The following TJP1 variants were observed in gnomAD, a reference collection of about 807,000 sequenced individuals.
TJP1 encodes the protein tight junction protein 1.
A neutral mutation model predicts 194.2 loss-of-function variants in TJP1; 43 were observed. That is an observed-to-expected ratio of 0.22 (90% CI 0.17 to 0.29). TJP1 has a LOEUF of 0.29. TJP1 is among the 10% of genes least tolerant of loss of function. The pLI is 1.00. For missense variants in TJP1, 1,971 were observed against 2,185.7 expected (o/e 0.90, Z 1.96); for synonymous variants, 801 against 779.0 (o/e 1.03, Z -0.47).
intron 2 of TJP1, among the ~76,000 whole-genome samples, chr15:29,878,896 G>T (rs971612558): frequency 1.4e-4 from 22 of 151,922 alleles, no homozygotes; most frequent in African/African-American, 5.3e-4. Context: ...AGGCTGAGGC[G>T]GGTGGATCAC....
intron 2 of TJP1, among the ~76,000 whole-genome samples, chr15:29,908,455 T>C (rs541989353): frequency 6.6e-6 from 1 of 152,266 alleles, no homozygotes; most frequent in African/African-American, 2.4e-5. Context: ...AGTGGGCAGG[T>C]GATATAAAGA....
At chr15:29,946,352 G>C (rs1415826450) in intron 2 of TJP1, among the ~76,000 whole-genome samples, 1 of 152,370 alleles carries the variant, frequency 6.6e-6, no homozygotes, top group East Asian at 1.9e-4. Context: ...GTGGATGAAA[G>C]TCTGATGAGA....
chr15:29,727,561 A>C (rs2043317395), intron 16 of TJP1, among the ~76,000 whole-genome samples: 2 of 152,250 alleles, frequency 1.3e-5, no homozygotes, highest in Admixed American at 1.3e-4. Context: ...ACTTAGCCCT[A>C]ACACCGCAAT....
intron 2 of TJP1, among the ~76,000 whole-genome samples, chr15:29,891,451 T>C (rs1273365483): frequency 2.6e-5 from 4 of 152,262 alleles, no homozygotes; most frequent in Non-Finnish European, 5.9e-5. Flanking sequence ...TCCCATCTTG[T>C]AGAGTTCAGG....
At chr15:29,834,113 C>T (rs1166540520) in intron 2 of TJP1, among the ~76,000 whole-genome samples, 1 of 150,678 alleles carries the variant, frequency 6.6e-6, no homozygotes, top group African/African-American at 2.4e-5. Context: ...AATCTCCTGA[C>T]CTCGTGATCG....
At chr15:29,906,211 G>A (rs1172012157) in intron 2 of TJP1, among the ~76,000 whole-genome samples, 1 of 152,062 alleles carries the variant, frequency 6.6e-6, no homozygotes, top group Non-Finnish European at 1.5e-5. Flanking sequence ...GGTGGCTCAC[G>A]CCTATAATCC....
At chr15:29,770,725 A>G (rs2046614497) in intron 4 of TJP1, among the ~76,000 whole-genome samples, 1 of 151,972 alleles carries the variant, frequency 6.6e-6, no homozygotes, top group Non-Finnish European at 1.5e-5. Flanking sequence ...AAAATTTTAA[A>G]TATTTTTGTA....
chr15:29,921,724 T>A (rs2054365235), intron 2 of TJP1, among the ~76,000 whole-genome samples: 1 of 152,166 alleles, frequency 6.6e-6, no homozygotes, highest in African/African-American at 2.4e-5. Flanking sequence ...TATTATGAAG[T>A]ATTTTAAACA....
At chr15:29,716,325 T>A (rs2042559826) in intron 23 of TJP1, among the ~76,000 whole-genome samples, 1 of 152,202 alleles carries the variant, frequency 6.6e-6, no homozygotes. Context: ...TGTACAGAAG[T>A]GAAGACTGAT....
intron 1 of TJP1, among the ~76,000 whole-genome samples, chr15:29,808,611 G>C (rs1000308699): frequency 6.6e-6 from 1 of 152,086 alleles, no homozygotes; most frequent in East Asian, 1.9e-4. Context: ...AAAATGATAA[G>C]TGCTGGCAGA....
intron 2 of TJP1, among the ~76,000 whole-genome samples, chr15:29,920,163 C>T (rs1175974833): frequency 6.6e-6 from 1 of 152,166 alleles, no homozygotes; most frequent in African/African-American, 2.4e-5. Context: ...AGTTACAGTA[C>T]GAACTCTCAC....
chr15:29,702,410 G>A (rs2041606116), intron 27 of TJP1, among the ~76,000 whole-genome samples: 1 of 152,190 alleles, frequency 6.6e-6, no homozygotes, highest in Non-Finnish European at 1.5e-5. Flanking sequence ...TATTAGATGT[G>A]AAGGCAGGGA....
chr15:29,733,087 T>C lies in TJP1; in HGVS notation c.1736+7A>G. Reference sequence around the variant, plus strand: ...TCACTCTATGAGAAGTATCCAAGCATTCATACCTGTTCTTATTAGGGATGA... The same window carrying C: ...TCACTCTATGAGAAGTATCCAAGCACTCATACCTGTTCTTATTAGGGATGA... On this transcript the variant is annotated splice_region_variant and intron_variant, in intron 13 of 27. Coordinates refer to ENST00000614355, the MANE Select transcript of TJP1 (RefSeq NM_001330239.4). 1 of 1,610,562 alleles carries C rather than the reference T, an allele frequency of 6.2e-7. No individual in the cohort carries two copies. The highest frequency in any genetic ancestry group is 8.5e-7 in the Non-Finnish European group (1 of 1,176,810).
At chr15:29,916,943 C>A (rs1037417172) in intron 2 of TJP1, among the ~76,000 whole-genome samples, 6 of 152,198 alleles carry the variant, frequency 3.9e-5, no homozygotes, top group Admixed American at 6.5e-5. Context: ...CACACATGCA[C>A]GTGTGCACAT....
rs764984835 is a variant in TJP1, at chr15:29,733,308, G to A, written c.1522C>T (p.Arg508Cys). The A allele has an allele frequency of 7.5e-6, 12 of 1,603,926 alleles. No individual in the cohort carries two copies. Among genetic ancestry groups the A allele is most frequent in the South Asian group, 5.5e-5 (5 of 90,290 alleles). The change falls in exon 13 of 28, where the codon CGT becomes TGT. Residue 508 changes from arginine to cysteine, a missense_variant. Transcript: ENST00000614355. ...CCTACATCTGATTCTACAATGCGAC[G>A]ATAAACTAAAAGGAATAAAAACAAA... ...ILAQKKKDVY[R>C]RIVESDVGDS...
chr15:29,907,662 A>G (rs2053861876), intron 2 of TJP1, among the ~76,000 whole-genome samples: 1 of 152,164 alleles, frequency 6.6e-6, no homozygotes, highest in East Asian at 1.9e-4. Flanking sequence ...TAAGAACATT[A>G]ATTTGAAAAA....
At chr15:29,764,297 G>C (rs985947848) in intron 5 of TJP1, among the ~76,000 whole-genome samples, 1 of 152,178 alleles carries the variant, frequency 6.6e-6, no homozygotes, top group African/African-American at 2.4e-5. Context: ...GTATGTTTGT[G>C]GGGGAGGGGA....
chr15:29,764,181 G>A (rs1258592967), intron 5 of TJP1, among the ~76,000 whole-genome samples: 1 of 152,120 alleles, frequency 6.6e-6, no homozygotes, highest in Admixed American at 6.5e-5. Flanking sequence ...GAGTTCAGAG[G>A]GCAGAAACAC....
intron 8 of TJP1, among the ~76,000 whole-genome samples, chr15:29,753,803 C>A: frequency 6.8e-6 from 1 of 146,270 alleles, no homozygotes; most frequent in Non-Finnish European, 1.5e-5. Context: ...TTCTATCTTT[C>A]TCAGATGAAA....
Sources: allele counts gnomAD v4.1 joint callset (sites outside exome capture counted in the v4.1 genomes callset), GRCh38; gene constraint gnomAD v4.1.1; transcripts MANE v1.5; gene names NCBI Gene and HGNC (gene_info 2026-07-23, HGNC 2026-07-21).